ARHGAP6: variants seen among roughly 807,000 people sequenced by gnomAD.
ARHGAP6 encodes rho GTPase-activating protein 6.
A neutral mutation model predicts 55.7 loss-of-function variants in ARHGAP6; 16 were observed. The observed-to-expected ratio is 0.29, with a 90% CI of 0.19 to 0.44. The LOEUF is 0.44. Ranked by LOEUF, ARHGAP6 falls within the 20% of genes least tolerant of loss-of-function variation. ARHGAP6 has a pLI of 1.00. For synonymous variants in ARHGAP6, 382 were observed against 360.9 expected, an observed-to-expected ratio of 1.06 and a Z score of -0.66; for missense variants, 698 against 808.9, an observed-to-expected ratio of 0.86 and a Z score of 1.66.
intron 1 of ARHGAP6, among the ~76,000 whole-genome samples, chrX:11,453,400 T>C (rs1020034857): frequency 3.2e-4 from 34 of 106,508 alleles, no homozygotes; most frequent in Non-Finnish European, 6.2e-4. Context: ...CTTGTCCAGC[T>C]TCAGCATGTA....
rs193274146 is a variant in ARHGAP6 at position 11,587,826 on chromosome X, C to T, written c.588+76415G>A. Among the ~76,000 whole-genome samples the T allele has an allele frequency of 2.0e-3, 229 of 111,818 alleles. 1 individual carries two copies. Among genetic ancestry groups the T allele is most frequent in the African/African-American group, 7.0e-3 (214 of 30,788 alleles). ...CCTTAATGTGCTGCAAGATGGAGAA[C>T]ACTGTAAAAATCTATGGGCCATAGG... is the stretch of plus-strand genomic sequence containing the variant. On this transcript the variant is annotated intron_variant, in intron 1 of 12. Coordinates refer to ENST00000337414, the MANE Select transcript of ARHGAP6 (RefSeq NM_013427.3).
chrX:11,483,572 C>CT (rs2050480375), intron 1 of ARHGAP6, among the ~76,000 whole-genome samples: 1 of 111,668 alleles, frequency 9.0e-6, no homozygotes, highest in African/African-American at 3.3e-5. Flanking sequence ...TCAGCTCCTG[C>CT]TATCACTGAG....
intron 1 of ARHGAP6, among the ~76,000 whole-genome samples, chrX:11,354,315 CTCTCTCTCTCTCTATA>C (rs1231303412): frequency 5.9e-5 from 4 of 67,567 alleles, no homozygotes; most frequent in African/African-American, 1.8e-4. Flanking sequence ...CTCTCTCTCT[CTCTCTCTCTCTCTATA>C]TATATATATA....
chrX:11,208,766 A>G (rs2046745679), intron 2 of ARHGAP6, among the ~76,000 whole-genome samples: 1 of 112,016 alleles, frequency 8.9e-6, no homozygotes, highest in Non-Finnish European at 1.9e-5. Context: ...ACAGTCTGCC[A>G]TGACTACACG....
chrX:11,139,579 C>G (rs755814101), intron 12 of ARHGAP6, 49 bp from the exon 13 acceptor site: 1 of 1,093,228 alleles, frequency 9.1e-7, no homozygotes. Flanking sequence ...TTGTAGAATC[C>G]TTGCTGGGGA....
At chrX:11,154,430 C>T (rs1375480050) in intron 10 of ARHGAP6, among the ~76,000 whole-genome samples, 4 of 112,401 alleles carry the variant, frequency 3.6e-5, no homozygotes, top group African/African-American at 9.7e-5. Context: ...AAGAAAGGTT[C>T]GCTTTTTACC....
chrX:11,218,875 A>G (rs1413302555), intron 2 of ARHGAP6, among the ~76,000 whole-genome samples: 1 of 109,073 alleles, frequency 9.2e-6, no homozygotes, highest in African/African-American at 3.3e-5. Flanking sequence ...TAGTCTGGCT[A>G]GCAGTCTATT....
At chrX:11,319,174 C>T (rs1251598135) in intron 1 of ARHGAP6, among the ~76,000 whole-genome samples, 1 of 109,394 alleles carries the variant, frequency 9.1e-6, no homozygotes, top group Non-Finnish European at 1.9e-5. Context: ...CTATATATCT[C>T]TCTCTCAAAA....
At chrX:11,430,929 CT>C (rs1281131291) in intron 1 of ARHGAP6, among the ~76,000 whole-genome samples, 1 of 111,643 alleles carries the variant, frequency 9.0e-6, no homozygotes, top group Non-Finnish European at 1.9e-5. Context: ...TCATTCCACA[CT>C]TTATAAATAT....
chrX:11,557,647 C>T (rs752734327), intron 1 of ARHGAP6, among the ~76,000 whole-genome samples: 4 of 111,979 alleles, frequency 3.6e-5, no homozygotes, highest in Non-Finnish European at 7.5e-5. Context: ...TGCGATTCAT[C>T]CCAGTGTTAA....
intron 2 of ARHGAP6, among the ~76,000 whole-genome samples, chrX:11,228,989 A>T (rs2047092558): frequency 8.9e-6 from 1 of 112,495 alleles, no homozygotes; most frequent in African/African-American, 3.2e-5. Flanking sequence ...TTGCACAGTT[A>T]TATACATGGT....
chrX:11,189,013 CAG>C, intron 3 of ARHGAP6, 29 bp from the exon 4 acceptor site: 1 of 1,197,345 alleles, frequency 8.4e-7, no homozygotes, highest in Non-Finnish European at 1.1e-6. Context: ...CATTCACTTT[CAG>C]AGACTGACTG....
chrX:11,206,458 T>G (rs1418789176), intron 2 of ARHGAP6, among the ~76,000 whole-genome samples: 1 of 111,857 alleles, frequency 8.9e-6, no homozygotes, highest in Non-Finnish European at 1.9e-5. Context: ...CAAACTTTGA[T>G]TTTTAAAGCA....
chrX:11,212,202 T>C (rs1160336089), intron 2 of ARHGAP6, among the ~76,000 whole-genome samples: 1 of 112,186 alleles, frequency 8.9e-6, no homozygotes, highest in Non-Finnish European at 1.9e-5. Flanking sequence ...TGAAGGTGCC[T>C]TTTGGGAGTA....
intron 1 of ARHGAP6, among the ~76,000 whole-genome samples, chrX:11,494,322 G>A (rs111592808): frequency 0.076 from 8,544 of 111,690 alleles, 353 homozygotes; most frequent in East Asian, 0.18. Context: ...AGATCCTTTG[G>A]GACGTAACTG....
intron 1 of ARHGAP6, among the ~76,000 whole-genome samples, chrX:11,658,149 C>T (rs1230714415): frequency 9.0e-6 from 1 of 111,655 alleles, no homozygotes; most frequent in East Asian, 2.8e-4. Context: ...TTAAGCTTTA[C>T]AGTCCCTCTC....
At chrX:11,281,692 C>A (rs1422263300) in intron 1 of ARHGAP6, among the ~76,000 whole-genome samples, 1 of 111,066 alleles carries the variant, frequency 9.0e-6, no homozygotes, top group Non-Finnish European at 1.9e-5. Context: ...ACAGGGAGAT[C>A]TGGGGTTATA....
chrX:11,599,403 G>A (rs1009240938), intron 1 of ARHGAP6, among the ~76,000 whole-genome samples: 17 of 110,970 alleles, frequency 1.5e-4, no homozygotes, highest in African/African-American at 5.6e-4. Context: ...TATAATGATC[G>A]AATTGGGTTA....
chrX:11,540,402 A>T (rs1401385378), intron 1 of ARHGAP6, among the ~76,000 whole-genome samples: 1 of 111,478 alleles, frequency 9.0e-6, no homozygotes, highest in Non-Finnish European at 1.9e-5. Context: ...GCTATAAGAA[A>T]CCTCAAATTT....
Sources: allele counts gnomAD v4.1 joint callset (sites outside exome capture counted in the v4.1 genomes callset), GRCh38; gene constraint gnomAD v4.1.1; transcripts MANE v1.5; gene names NCBI Gene and HGNC (gene_info 2026-07-23, HGNC 2026-07-21).